The following FHIT variants were observed in gnomAD, a reference collection of about 807,000 sequenced individuals.
FHIT encodes the protein bis(5'-adenosyl)-triphosphatase.
A neutral mutation model predicts 17.9 loss-of-function variants in FHIT; 19 were observed. That is an observed-to-expected ratio of 1.06 (90% CI 0.74 to 1.56). FHIT has a LOEUF of 1.56. Ranked by LOEUF, FHIT falls within the 40% of genes most tolerant of loss-of-function variation. The pLI, the probability that FHIT is intolerant of heterozygous loss-of-function variation, is 0.00. For missense variants in FHIT, 248 were observed against 189.2 expected (o/e 1.31, Z -1.82); for synonymous variants, 81 against 69.7 (o/e 1.16, Z -0.81).
intron 4 of FHIT, among the ~76,000 whole-genome samples, chr3:60,563,555 A>G (rs1247105046): frequency 6.6e-6 from 1 of 152,236 alleles, no homozygotes; most frequent in African/African-American, 2.4e-5. Flanking sequence ...CACGCTGTGA[A>G]TGCAAAGGAC....
intron 5 of FHIT, among the ~76,000 whole-genome samples, chr3:60,481,083 T>A (rs2033587884): frequency 6.6e-6 from 1 of 152,172 alleles, no homozygotes; most frequent in African/African-American, 2.4e-5. Flanking sequence ...CATCCTTTTA[T>A]ATCTAGGTGG....
At chr3:61,066,145 G>A (rs1006371471) in intron 2 of FHIT, among the ~76,000 whole-genome samples, 2 of 152,120 alleles carry the variant, frequency 1.3e-5, no homozygotes, top group Admixed American at 6.6e-5. Context: ...ACCCACTCTT[G>A]CAATAGTGAA....
intron 3 of FHIT, among the ~76,000 whole-genome samples, chr3:60,913,905 G>C (rs1223474709): frequency 6.6e-6 from 1 of 152,194 alleles, no homozygotes; most frequent in Non-Finnish European, 1.5e-5. Context: ...CAGGCTCCAA[G>C]ACAGTGAAGT....
At chr3:60,199,519 T>G (rs1702801204) in intron 5 of FHIT, among the ~76,000 whole-genome samples, 1 of 152,086 alleles carries the variant, frequency 6.6e-6, no homozygotes, top group Non-Finnish European at 1.5e-5. Flanking sequence ...CCAAATGTCA[T>G]GTCTTCCCAG....
chr3:61,046,067 A>T lies in FHIT; in HGVS notation c.-163-3968T>A, dbSNP rs1466475558. ...AACCTAAAGTTGACACCCTAACATT[A>T]CAATTAAAAGAACTAGAGAAGCAAG... On this transcript the variant is annotated intron_variant, in intron 2 of 9. Transcript: ENST00000492590. Among the ~76,000 whole-genome samples the T allele has an allele frequency of 3.9e-5, 6 of 152,192 alleles. No individual in the cohort carries two copies. The East Asian group carries it at 1.2e-3, about 29-fold the overall frequency.
chr3:61,067,715 C>A (rs1354296166), intron 2 of FHIT, among the ~76,000 whole-genome samples: 2 of 152,190 alleles, frequency 1.3e-5, no homozygotes, highest in African/African-American at 4.8e-5. Context: ...TTCAAAGGCA[C>A]TTTTCTCAGT....
intron 4 of FHIT, among the ~76,000 whole-genome samples, chr3:60,604,913 G>A (rs1220673239): frequency 2.0e-5 from 3 of 152,180 alleles, no homozygotes; most frequent in Admixed American, 2.0e-4. Flanking sequence ...GGGAGGAGCA[G>A]CATTGAAGGG....
At chr3:60,168,660 G>C (rs893362995) in intron 5 of FHIT, among the ~76,000 whole-genome samples, 3 of 152,286 alleles carry the variant, frequency 2.0e-5, no homozygotes, top group Non-Finnish European at 2.9e-5. Flanking sequence ...AGGAAGAACC[G>C]TGTTTTTGAA....
intron 2 of FHIT, among the ~76,000 whole-genome samples, chr3:61,194,527 T>C (rs1176637338): frequency 6.6e-6 from 1 of 152,218 alleles, no homozygotes; most frequent in Admixed American, 6.5e-5. Context: ...ATGAGCATTA[T>C]TAAATATTTT....
At chr3:61,026,685 C>T (rs1434215322) in intron 3 of FHIT, among the ~76,000 whole-genome samples, 4 of 151,966 alleles carry the variant, frequency 2.6e-5, no homozygotes, top group East Asian at 3.9e-4. Flanking sequence ...CATCAGTTGC[C>T]GTTAGTGTAT....
At chr3:60,556,627 A>T (rs2036748456) in intron 4 of FHIT, among the ~76,000 whole-genome samples, 1 of 152,216 alleles carries the variant, frequency 6.6e-6, no homozygotes, top group South Asian at 2.1e-4. Flanking sequence ...GAAAACCCCA[A>T]AGCTCTTCTC....
chr3:60,732,527 C>T lies in FHIT; in HGVS notation c.-18+89392G>A, dbSNP rs189639856. ...TCCTTTCTTTCCAGCGCTCAGAGCACGAAAGTTTTCTGCTGTCTTTGGAAC... is the reference window on the plus strand; with the variant it reads ...TCCTTTCTTTCCAGCGCTCAGAGCATGAAAGTTTTCTGCTGTCTTTGGAAC... On this transcript the variant is annotated intron_variant, in intron 4 of 9. Coordinates refer to ENST00000492590, the MANE Select transcript of FHIT (RefSeq NM_002012.4). 1.2e-3 allele frequency: 765 copies of T among 657,642 alleles called. 5 individuals carry two copies. Among genetic ancestry groups the T allele is most frequent in the South Asian group, 3.9e-3 (284 of 73,270 alleles). 40.7% of individuals were successfully genotyped at this position (657,642 alleles called of 1,614,324 possible).
chr3:60,910,131 T>A (rs1215715314), intron 3 of FHIT, among the ~76,000 whole-genome samples: 3 of 152,278 alleles, frequency 2.0e-5, no homozygotes, highest in East Asian at 1.9e-4. Flanking sequence ...AGGTGCCCCA[T>A]CTCTCCGCCA....
intron 8 of FHIT, among the ~76,000 whole-genome samples, chr3:59,772,375 G>C (rs1702112231): frequency 6.6e-6 from 1 of 152,242 alleles, no homozygotes; most frequent in Admixed American, 6.5e-5. Context: ...AACATATGCA[G>C]CAATGCAGGT....
chr3:60,461,961 A>T (rs758847468), intron 5 of FHIT, among the ~76,000 whole-genome samples: 5 of 152,166 alleles, frequency 3.3e-5, no homozygotes, highest in African/African-American at 7.2e-5. Flanking sequence ...GCGTTACATG[A>T]ATCTGTAAAT....
intron 2 of FHIT, among the ~76,000 whole-genome samples, chr3:61,088,055 CA>C (rs1193395839): frequency 1.3e-5 from 2 of 152,122 alleles, no homozygotes; most frequent in African/African-American, 2.4e-5. Flanking sequence ...GCTTTCAATT[CA>C]AAATTCAAAA....
At chr3:60,510,339 A>ATT (rs1226486879) in intron 5 of FHIT, among the ~76,000 whole-genome samples, 1 of 152,128 alleles carries the variant, frequency 6.6e-6, no homozygotes, top group Non-Finnish European at 1.5e-5. Flanking sequence ...AAGGCCAATT[A>ATT]TTGTTAAGTT....
intron 1 of FHIT, among the ~76,000 whole-genome samples, chr3:61,244,693 T>C (rs1305250930): frequency 6.6e-6 from 1 of 152,172 alleles, no homozygotes; most frequent in Admixed American, 6.5e-5. Context: ...TGAAAGAACA[T>C]CCTTATCTCT....
At chr3:60,359,199 C>G (rs1178874895) in intron 5 of FHIT, among the ~76,000 whole-genome samples, 2 of 151,192 alleles carry the variant, frequency 1.3e-5, no homozygotes, top group Non-Finnish European at 1.5e-5. Flanking sequence ...AGTAGACTGG[C>G]TTGACTTCAT....
Sources: allele counts gnomAD v4.1 joint callset (sites outside exome capture counted in the v4.1 genomes callset), GRCh38; gene constraint gnomAD v4.1.1; transcripts MANE v1.5; gene names NCBI Gene and HGNC (gene_info 2026-07-23, HGNC 2026-07-21).